Variants in ANAPC1 observed in about 807,000 individuals in gnomAD.
The protein encoded by ANAPC1 is anaphase promoting complex subunit 1.
Under a neutral mutation model 208.0 loss-of-function variants are expected in ANAPC1, and 36 were observed. The ratio of observed to expected loss-of-function variants is 0.17; its 90% CI spans 0.13 to 0.23. The LOEUF (loss-of-function observed/expected upper bound fraction) is 0.23, where lower values mean the gene tolerates loss of function less well. Among genes scored for constraint, ANAPC1 ranks in the 10% least tolerant of loss-of-function variants. The pLI is 1.00. For synonymous variants in ANAPC1, 378 were observed against 695.2 expected (o/e 0.54, Z 7.18); for missense variants, 942 against 2,011.6 (o/e 0.47, Z 10.17).
intron 26 of ANAPC1, 52 bp from the exon 27 acceptor site, chr2:111,819,010 T>C (rs1408061327): frequency 4.4e-6 from 7 of 1,601,326 alleles, no homozygotes; most frequent in East Asian, 2.3e-5. Context: ...CAAAGAGCAA[T>C]TGAAATATCA....
chr2:111,858,757 G>A (rs1199316402), intron 10 of ANAPC1, among the ~76,000 whole-genome samples: 39 of 112,536 alleles, frequency 3.5e-4, no homozygotes, highest in Non-Finnish European at 5.4e-4. Context: ...GCCAGACTCC[G>A]TCTCAAAAAG....
chr2:111,817,423 A>C (rs1421520195), intron 27 of ANAPC1, among the ~76,000 whole-genome samples: 13 of 152,042 alleles, frequency 8.6e-5, no homozygotes, highest in African/African-American at 3.1e-4. Flanking sequence ...AGACTACTAA[A>C]ATGAACATCT....
intron 20 of ANAPC1, among the ~76,000 whole-genome samples, chr2:111,833,013 G>A (rs1356255461): frequency 6.7e-6 from 1 of 150,272 alleles, no homozygotes; most frequent in African/African-American, 2.4e-5. Context: ...CTTAGGGATG[G>A]GTAACATTTT....
At chr2:111,880,985 T>C (rs1446680608) in intron 1 of ANAPC1, 136 bp from the exon 2 acceptor site, 2 of 813,362 alleles carry the variant, frequency 2.5e-6, no homozygotes, top group East Asian at 2.7e-5. Context: ...AAGTTGGTCA[T>C]AACATAAAAG....
chr2:111,813,442 A>G (rs1679092291), intron 28 of ANAPC1, among the ~76,000 whole-genome samples: 1 of 151,776 alleles, frequency 6.6e-6, no homozygotes, highest in Admixed American at 6.6e-5. Flanking sequence ...GTGGAGACTG[A>G]TATTAATCCA....
At chr2:111,866,860 G>C (rs1000653635) in intron 7 of ANAPC1, among the ~76,000 whole-genome samples, 1 of 149,392 alleles carries the variant, frequency 6.7e-6, no homozygotes, top group Admixed American at 6.7e-5. Flanking sequence ...ATGTTTATTC[G>C]GGTTGTCTGC....
chr2:111,866,204 A>C, intron 7 of ANAPC1: 1 of 84,634 alleles, frequency 1.2e-5, no homozygotes, highest in Non-Finnish European at 2.4e-5. Context: ...ACTCTGTCTC[A>C]AAAAAAAAAA....
intron 16 of ANAPC1, among the ~76,000 whole-genome samples, chr2:111,844,760 T>A (rs574756415): frequency 6.6e-6 from 1 of 152,334 alleles, no homozygotes; most frequent in East Asian, 1.9e-4. Context: ...TTTATAACTT[T>A]ATTTCTGAGG....
intron 29 of ANAPC1, 106 bp from the exon 30 acceptor site, chr2:111,805,999 A>G: frequency 6.4e-6 from 3 of 472,098 alleles, no homozygotes; most frequent in South Asian, 6.2e-5. Flanking sequence ...TACGAATGGA[A>G]TATAACTCCA....
intron 1 of ANAPC1, among the ~76,000 whole-genome samples, chr2:111,882,618 T>A (rs1351788454): frequency 1.3e-5 from 2 of 151,014 alleles, no homozygotes; most frequent in African/African-American, 4.9e-5. Context: ...GCGCCTGTAA[T>A]CCCAGCTACT....
chr2:111,810,621 G>A (rs1678933775), intron 28 of ANAPC1, among the ~76,000 whole-genome samples: 1 of 148,672 alleles, frequency 6.7e-6, no homozygotes, highest in East Asian at 2.0e-4. Context: ...AGAGGCTCAC[G>A]CCTATAATCC....
chr2:111,859,680 C>T lies in ANAPC1; in HGVS notation c.1263-1279G>A, dbSNP rs548883305. 3.0e-4 allele frequency among the ~76,000 whole-genome samples: 45 copies of T among 152,254 alleles called. 1 individual carries two copies. In the South Asian group the frequency reaches 7.9e-3, roughly 27 times the overall value. ...TTACTTTCTTCAGACTACCTATTCC[C>T]CATTTCATTCTCTCTAAGATTATGC... On this transcript the variant is annotated intron_variant, in intron 10 of 47. Coordinates refer to ENST00000341068, the MANE Select transcript of ANAPC1 (RefSeq NM_022662.4).
At chr2:111,868,944 C>T (rs1236767663) in intron 6 of ANAPC1, among the ~76,000 whole-genome samples, 1 of 152,202 alleles carries the variant, frequency 6.6e-6, no homozygotes, top group African/African-American at 2.4e-5. Flanking sequence ...TAGCAAGTGC[C>T]TACCTCTTGC....
intron 16 of ANAPC1, among the ~76,000 whole-genome samples, chr2:111,846,568 T>A (rs1321449134): frequency 2.3e-4 from 28 of 119,210 alleles, no homozygotes; most frequent in African/African-American, 8.8e-4. Flanking sequence ...TATTTTTTTT[T>A]TTTTTTTTTT....
intron 11 of ANAPC1, among the ~76,000 whole-genome samples, chr2:111,857,270 T>C (rs1342757098): frequency 6.6e-6 from 1 of 150,786 alleles, no homozygotes; most frequent in Non-Finnish European, 1.5e-5. Flanking sequence ...TAATGTATTA[T>C]AGTTATATAA....
In ANAPC1 at chr2:111,783,378, G is replaced by A. The variant is rs1340203476; in HGVS notation, c.5063+519C>T. ...CTCATGATAGTGAGTGAGTTCTCAC[G>A]AGATCTGATGGTTTAAAAGTGTTGC... On this transcript the variant is annotated intron_variant, in intron 42 of 47. Coordinates refer to ENST00000341068, the MANE Select transcript of ANAPC1 (RefSeq NM_022662.4). 4.6e-5 allele frequency among the ~76,000 whole-genome samples: 7 copies of A among 152,028 alleles called. No homozygotes were observed. The East Asian group carries it at 5.8e-4, about 13-fold the overall frequency.
chr2:111,838,085 C>CAAA lies in ANAPC1; in HGVS notation c.2115+350_2115+352dup, dbSNP rs57089465. On this transcript the variant is annotated intron_variant, in intron 18 of 47. Coordinates refer to ENST00000341068, the MANE Select transcript of ANAPC1 (RefSeq NM_022662.4). ...GGGCAACAAGAGTGATACTCCGTCT[C>CAAA]AAAAAAAAAAAGGAATATACCATGG... is the stretch of plus-strand genomic sequence containing the variant. Among the ~76,000 whole-genome samples the CAAA allele has an allele frequency of 1.4e-4, 14 of 103,508 alleles. 1 individual carries two copies. In the South Asian group the frequency reaches 2.0e-3, roughly 15 times the overall value. The allele number at this position is 103,508 out of a possible 152,430, so 67.9% of individuals were successfully genotyped here.
Position 111,860,877 on chromosome 2 carries a change from A to G in ANAPC1, c.1262+1512T>C, listed in dbSNP as rs3845220. ...CCTCTCCTTGGGAAAAGGCCTATAT[A>G]CTACATGTACACACAATTATTGAAT... On this transcript the variant is annotated intron_variant, in intron 10 of 47. Transcript: ENST00000341068. Among the ~76,000 whole-genome samples, 212 of 150,998 alleles carry G rather than the reference A, an allele frequency of 1.4e-3. 2 individuals are homozygous for G. Among genetic ancestry groups the G allele is most frequent in the East Asian group, 0.011 (58 of 5,150 alleles).
At chr2:111,848,579 C>T (rs1681219117) in intron 14 of ANAPC1, among the ~76,000 whole-genome samples, 1 of 152,018 alleles carries the variant, frequency 6.6e-6, no homozygotes, top group South Asian at 2.1e-4. Context: ...GAGTTCAAGA[C>T]CAGCCTGGCC....
Sources: allele counts gnomAD v4.1 joint callset (sites outside exome capture counted in the v4.1 genomes callset), GRCh38; gene constraint gnomAD v4.1.1; transcripts MANE v1.5; gene names NCBI Gene and HGNC (gene_info 2026-07-23, HGNC 2026-07-21).